TOGARAM2: variants seen among roughly 807,000 people sequenced by gnomAD.
TOGARAM2 encodes the protein TOG array regulator of axonemal microtubules protein 2.
In TOGARAM2, 85 loss-of-function variants were observed where a neutral mutation model predicts 93.3. The observed-to-expected ratio is 0.91, with a 90% CI of 0.76 to 1.09. TOGARAM2 has a LOEUF of 1.09. Among genes scored for constraint, TOGARAM2 ranks in the 50% least tolerant of loss-of-function variants. The probability of loss-of-function intolerance (pLI) is 0.00; values close to 1 mark genes in which losing one functional copy is unlikely to be tolerated. For synonymous variants in TOGARAM2, 593 were observed against 552.8 expected, an observed-to-expected ratio of 1.07 and a Z score of -1.02; for missense variants, 1,277 against 1,334.5, an observed-to-expected ratio of 0.96 and a Z score of 0.67.
At chr2:28,980,743 T>C (rs1672148230), upstream of TOGARAM2, among the ~76,000 whole-genome samples, 1 of 152,206 alleles carries the variant, frequency 6.6e-6, no homozygotes, top group Admixed American at 6.5e-5. Flanking sequence ...TGCAAGGATT[T>C]CTGGGGAAGT....
chr2:28,984,446 G>T (rs953976353), intron 1 of TOGARAM2, among the ~76,000 whole-genome samples: 9 of 152,208 alleles, frequency 5.9e-5, no homozygotes, highest in African/African-American at 2.2e-4. Context: ...TTCCTGGGGT[G>T]TGACAGACAT....
At chr2:28,988,720 A>G (rs953133092) in intron 1 of TOGARAM2, among the ~76,000 whole-genome samples, 1 of 151,948 alleles carries the variant, frequency 6.6e-6, no homozygotes, top group African/African-American at 2.4e-5. Flanking sequence ...TTCTCATCCA[A>G]ATTCTCCAGC....
intron 1 of TOGARAM2, among the ~76,000 whole-genome samples, chr2:28,975,251 C>A (rs1382828903): frequency 2.6e-5 from 4 of 151,644 alleles, no homozygotes; most frequent in East Asian, 1.9e-4. Flanking sequence ...TGCAGTGGTG[C>A]GATCTTGGCT....
At chr2:29,043,581 C>T (rs760618603) in intron 18 of TOGARAM2, among the ~76,000 whole-genome samples, 7 of 152,200 alleles carry the variant, frequency 4.6e-5, no homozygotes, top group Non-Finnish European at 1.0e-4. Flanking sequence ...GGTAACACCA[C>T]ATAGGCCACC....
chr2:28,998,002 G>A (rs1673078594), intron 2 of TOGARAM2, 141 bp from the exon 3 acceptor site: 2 of 540,542 alleles, frequency 3.7e-6, no homozygotes, highest in Admixed American at 3.9e-5. Flanking sequence ...GTTGGGGGTG[G>A]GGCCACCACA....
At chr2:29,003,769 C>T in intron 6 of TOGARAM2, 87 bp downstream of exon 6, 5 of 1,228,976 alleles carry the variant, frequency 4.1e-6, no homozygotes, top group Non-Finnish European at 5.4e-6. Context: ...GCTGACCCTC[C>T]ATGCTGTGGC....
In TOGARAM2 at chr2:29,011,492, GC is replaced by G. The variant is rs749564569; in HGVS notation, c.869del (p.Ala290AspfsTer33). ...GAGTGGGCCTCGGGAGAAGACCCCT[GC>G]ATCTCTGGGTACGTATCTTCCATGC... Reference protein sequence around the residue: ...RGSGPREKTPASLEPKPLASP... With the variant: ...RGSGPREKTPXSLEPKPLASP... On this transcript the variant is annotated frameshift_variant, in exon 7 of 20. Transcript: ENST00000379558. LOFTEE classifies it high-confidence loss of function. The G allele has an allele frequency of 6.2e-7, 1 of 1,605,900 alleles. No homozygotes were observed. Among genetic ancestry groups the G allele is most frequent in the Non-Finnish European group, 8.5e-7 (1 of 1,177,074 alleles).
At chr2:29,025,997 GC>G (rs1229870346) in intron 13 of TOGARAM2, among the ~76,000 whole-genome samples, 1 of 152,168 alleles carries the variant, frequency 6.6e-6, no homozygotes, top group Non-Finnish European at 1.5e-5. Context: ...CAACCAGCCA[GC>G]CCCGAGGGGC....
At chr2:28,969,711 C>T (rs1444464631) in intron 1 of TOGARAM2, among the ~76,000 whole-genome samples, 1 of 152,010 alleles carries the variant, frequency 6.6e-6, no homozygotes, top group Non-Finnish European at 1.5e-5. Context: ...AGAGATAACT[C>T]TTATAAGTAA....
intron 1 of TOGARAM2, among the ~76,000 whole-genome samples, chr2:28,991,871 G>C (rs1435653745): frequency 6.6e-6 from 1 of 152,212 alleles, no homozygotes; most frequent in Non-Finnish European, 1.5e-5. Context: ...GGGAGGAGGG[G>C]ACAACGGTTA....
In TOGARAM2 at chr2:29,031,437, CCTTT is replaced by C. The variant is rs1185334002; in HGVS notation, c.2013-1492_2013-1489del. Among the ~76,000 whole-genome samples, 4 of 152,184 alleles carry C rather than the reference CCTTT, an allele frequency of 2.6e-5. No homozygotes were observed. In the East Asian group the frequency reaches 7.7e-4, roughly 29 times the overall value. On this transcript the variant is annotated intron_variant, in intron 14 of 19. Transcript: ENST00000379558. ...TCCATTGTAGGAACTACACTATGAG[CCTTT>C]CTTTGTAAATTTTTAAATTTATTTT...
chr2:29,033,509 G>T lies in TOGARAM2; in HGVS notation c.2171G>T (p.Arg724Leu), dbSNP rs762657492. ...DNDELPSAKG[R>L]KVLRSLVVCE... ...GATGAACTTCCCTCTGCCAAAGGCC[G>T]CAAGGTGTTGAGGAGTCTGGTGGTG... The change falls in exon 16 of 20, where the codon CGC becomes CTC. Residue 724 changes from arginine to leucine, a missense_variant. Transcript: ENST00000379558. The T allele has an allele frequency of 3.3e-5, 53 of 1,613,578 alleles. No individual in the cohort carries two copies. Among genetic ancestry groups the T allele is most frequent in the Non-Finnish European group, 4.2e-5 (50 of 1,179,802 alleles).
chr2:28,986,206 C>T (rs921758812), intron 1 of TOGARAM2, among the ~76,000 whole-genome samples: 1 of 151,790 alleles, frequency 6.6e-6, no homozygotes, highest in African/African-American at 2.4e-5. Flanking sequence ...AACATGGCAG[C>T]CCTGCTTGTC....
chr2:29,025,532 A>G (rs1291554352), intron 13 of TOGARAM2, among the ~76,000 whole-genome samples: 1 of 152,218 alleles, frequency 6.6e-6, no homozygotes, highest in Admixed American at 6.5e-5. Flanking sequence ...ATCACTGTCA[A>G]CAAGAACCAG....
intron 14 of TOGARAM2, among the ~76,000 whole-genome samples, chr2:29,031,224 C>T (rs1006042196): frequency 1.3e-5 from 2 of 152,156 alleles, no homozygotes; most frequent in Admixed American, 6.5e-5. Context: ...AGTGGCTATT[C>T]ACAGGTGTGA....
chr2:29,005,005 C>T (rs1454252849), intron 6 of TOGARAM2, among the ~76,000 whole-genome samples: 1 of 33,626 alleles, frequency 3.0e-5, no homozygotes, highest in Admixed American at 3.5e-4. Context: ...CATGTGTGTG[C>T]ATGTGTATGT....
At position 29,027,017 on chromosome 2, in the gene TOGARAM2, G is replaced by A; in HGVS notation, c.2012+6G>A. 1 of 1,553,556 alleles carries A rather than the reference G, an allele frequency of 6.4e-7. No homozygotes were observed. Among genetic ancestry groups the A allele is most frequent in the Non-Finnish European group, 8.7e-7 (1 of 1,147,602 alleles). On this transcript the variant is annotated splice_donor_region_variant and intron_variant, in intron 14 of 19. Transcript: ENST00000379558. ...GACTCCAACCAGGACACCAGGTAGGGCAGGGCCAGGGGCCTGGGGGCAGAG... is the reference window on the plus strand; with the variant it reads ...GACTCCAACCAGGACACCAGGTAGGACAGGGCCAGGGGCCTGGGGGCAGAG...
chr2:28,958,943 G>A (rs1316070672), intron 1 of TOGARAM2, among the ~76,000 whole-genome samples: 1 of 152,208 alleles, frequency 6.6e-6, no homozygotes, highest in Non-Finnish European at 1.5e-5. Context: ...GATTGGCTGA[G>A]AGAATCTCCA....
At chr2:28,982,872 G>A (rs999363460) in intron 1 of TOGARAM2, among the ~76,000 whole-genome samples, 3 of 152,058 alleles carry the variant, frequency 2.0e-5, no homozygotes, top group East Asian at 3.9e-4. Context: ...ACCCACCCCC[G>A]TGGGCCCTGT....
Sources: gnomAD v4.1 joint callset for allele counts (sites outside exome capture counted in the v4.1 genomes callset) on GRCh38, gnomAD v4.1.1 for gene constraint, MANE v1.5 for transcripts, NCBI Gene and HGNC (gene_info 2026-07-23, HGNC 2026-07-21) for gene names.